HECW2: variants seen among roughly 807,000 people sequenced by gnomAD.
The protein encoded by HECW2 is E3 ubiquitin-protein ligase HECW2.
Under a neutral mutation model 175.2 loss-of-function variants are expected in HECW2, and 61 were observed. That is an observed-to-expected ratio of 0.35 (90% CI 0.28 to 0.43). HECW2 has a LOEUF of 0.43. HECW2 is among the 20% of genes least tolerant of loss of function. The pLI is 1.00. For missense variants in HECW2, 1,524 were observed against 2,000.5 expected (o/e 0.76, Z 4.54); for synonymous variants, 671 against 731.0 (o/e 0.92, Z 1.32).
chr2:196,572,623 G>A (rs1352903100), intron 1 of HECW2, among the ~76,000 whole-genome samples: 1 of 152,202 alleles, frequency 6.6e-6, no homozygotes, highest in African/African-American at 2.4e-5. Flanking sequence ...CTAAATGTTT[G>A]TGCTTGCCCC....
In HECW2 at chr2:196,430,206, T is replaced by C. The variant is rs1438951833; in HGVS notation, c.292+2926A>G. 3.3e-5 allele frequency among the ~76,000 whole-genome samples: 5 copies of C among 151,998 alleles called. No homozygotes were observed. The South Asian group carries it at 6.2e-4, about 19-fold the overall frequency. On this transcript the variant is annotated intron_variant, in intron 2 of 28. Transcript: ENST00000644978. ...AGGATGAATTCCATCAAGTTAGAAA[T>C]AGTAGAAAAATACACTGGCCTTTCC...
intron 1 of HECW2, among the ~76,000 whole-genome samples, chr2:196,568,658 T>C (rs1465866723): frequency 6.6e-6 from 1 of 152,178 alleles, no homozygotes; most frequent in Non-Finnish European, 1.5e-5. Flanking sequence ...TTTCCTGGCC[T>C]AGCAATATAC....
At chr2:196,252,673 T>A (rs940257847) in intron 19 of HECW2, among the ~76,000 whole-genome samples, 5 of 152,202 alleles carry the variant, frequency 3.3e-5, no homozygotes, top group Admixed American at 6.5e-5. Context: ...GATTGTACAG[T>A]CTGCAAAACC....
At chr2:196,535,701 T>C (rs1240776031) in intron 1 of HECW2, among the ~76,000 whole-genome samples, 1 of 152,130 alleles carries the variant, frequency 6.6e-6, no homozygotes, top group Non-Finnish European at 1.5e-5. Context: ...ATCATCACAG[T>C]CACCTTGGAA....
chr2:196,448,164 T>C (rs1575552511), intron 1 of HECW2, among the ~76,000 whole-genome samples: 1 of 152,252 alleles, frequency 6.6e-6, no homozygotes, highest in Non-Finnish European at 1.5e-5. Flanking sequence ...TAAAATAAAC[T>C]GATTCCCATC....
intron 1 of HECW2, among the ~76,000 whole-genome samples, chr2:196,572,628 TG>T (rs1690425943): frequency 6.6e-6 from 1 of 152,228 alleles, no homozygotes; most frequent in Non-Finnish European, 1.5e-5. Flanking sequence ...TGTTTGTGCT[TG>T]CCCCCTCCAA....
intron 28 of HECW2, among the ~76,000 whole-genome samples, chr2:196,205,309 T>A (rs1011975263): frequency 6.6e-5 from 10 of 152,164 alleles, no homozygotes; most frequent in African/African-American, 2.4e-4. Context: ...CTAGGGAAAG[T>A]CCAACATTAA....
chr2:196,323,669 C>A (rs10171016), intron 6 of HECW2, among the ~76,000 whole-genome samples: 4,002 of 152,268 alleles, frequency 0.026, 181 homozygotes, highest in African/African-American at 0.091. Flanking sequence ...CTTTAAGCTT[C>A]AATTTCTTAA....
chr2:196,324,623 C>G (rs1219543357), intron 6 of HECW2, among the ~76,000 whole-genome samples: 1 of 152,142 alleles, frequency 6.6e-6, no homozygotes, highest in African/African-American at 2.4e-5. Flanking sequence ...TCAGGCCCTA[C>G]TATGACTCTA....
intron 1 of HECW2, among the ~76,000 whole-genome samples, chr2:196,462,713 T>C (rs563248921): frequency 6.7e-6 from 1 of 149,108 alleles, no homozygotes; most frequent in East Asian, 2.0e-4. Context: ...TTGAACAAAA[T>C]GAAATGATCT....
chr2:196,575,896 C>A (rs546365710), intron 1 of HECW2, among the ~76,000 whole-genome samples: 1 of 151,714 alleles, frequency 6.6e-6, no homozygotes, highest in Non-Finnish European at 1.5e-5. Context: ...ATAACTCACT[C>A]ATCACCAACG....
chr2:196,568,398 G>T (rs543222225), intron 1 of HECW2, among the ~76,000 whole-genome samples: 1 of 152,192 alleles, frequency 6.6e-6, no homozygotes, highest in South Asian at 2.1e-4. Context: ...AAAATACATG[G>T]GGGAAAATAA....
At chr2:196,374,772 C>T (rs1351050903) in intron 2 of HECW2, among the ~76,000 whole-genome samples, 2 of 151,820 alleles carry the variant, frequency 1.3e-5, no homozygotes, top group Non-Finnish European at 2.9e-5. Context: ...AAGTATCATC[C>T]ACCATAAGGT....
intron 2 of HECW2, among the ~76,000 whole-genome samples, chr2:196,428,394 T>C (rs2125260078): frequency 6.6e-6 from 1 of 152,314 alleles, no homozygotes; most frequent in South Asian, 2.1e-4. Context: ...GAATTTATTA[T>C]GCATGTTCCT....
At chr2:196,294,960 C>T (rs148670032) in intron 13 of HECW2, among the ~76,000 whole-genome samples, 9 of 152,100 alleles carry the variant, frequency 5.9e-5, no homozygotes, top group Admixed American at 2.6e-4. Flanking sequence ...ATTGATTTAC[C>T]GTCATTAAAT....
intron 2 of HECW2, among the ~76,000 whole-genome samples, chr2:196,423,708 G>GTGTGTGTGTGTA (rs758962415): frequency 6.6e-6 from 1 of 151,516 alleles, no homozygotes; most frequent in African/African-American, 2.4e-5. Flanking sequence ...GTGTGTGTGT[G>GTGTGTGTGTGTA]TGTGTGTTTA....
intron 19 of HECW2, among the ~76,000 whole-genome samples, chr2:196,244,426 AATT>A (rs1257100500): frequency 6.6e-6 from 1 of 152,156 alleles, no homozygotes; most frequent in Admixed American, 6.5e-5. Flanking sequence ...TTCTCTTGAA[AATT>A]ATTTGGGAAA....
At chr2:196,568,360 C>T (rs140183103) in intron 1 of HECW2, among the ~76,000 whole-genome samples, 99 of 152,286 alleles carry the variant, frequency 6.5e-4, no homozygotes, top group Middle Eastern at 3.4e-3. Context: ...CTCCTATCTA[C>T]TACAAAATGG....
At chr2:196,498,354 T>C in intron 1 of HECW2, among the ~76,000 whole-genome samples, 1 of 152,208 alleles carries the variant, frequency 6.6e-6, no homozygotes, top group East Asian at 1.9e-4. Context: ...TTCTTATTAA[T>C]TAGAAATAGC....
Sources: allele counts gnomAD v4.1 joint callset (sites outside exome capture counted in the v4.1 genomes callset), GRCh38; gene constraint gnomAD v4.1.1; transcripts MANE v1.5; gene names NCBI Gene and HGNC (gene_info 2026-07-23, HGNC 2026-07-21).